Variants in CHRM3 observed in about 807,000 individuals in gnomAD.
CHRM3 encodes the protein cholinergic receptor muscarinic 3.
A neutral mutation model predicts 41.8 loss-of-function variants in CHRM3; 11 were observed. The observed-to-expected ratio is 0.26, with a 90% CI of 0.17 to 0.44. CHRM3 has a LOEUF of 0.44. Ranked by LOEUF, CHRM3 falls within the 20% of genes least tolerant of loss-of-function variation. The probability of loss-of-function intolerance (pLI) is 1.00; values close to 1 mark genes in which losing one functional copy is unlikely to be tolerated. For synonymous variants in CHRM3, 297 were observed against 301.4 expected (o/e 0.99, Z 0.15); for missense variants, 571 against 745.4 (o/e 0.77, Z 2.72).
rs1553347938 is a variant in CHRM3 at position 239,634,376 on chromosome 1, C to CAGAAAGAAAGAAAGAAA, written c.-250+2090_-250+2091insAGAAAGAAAGAAAGAAA. Among the ~76,000 whole-genome samples the CAGAAAGAAAGAAAGAAA allele has an allele frequency of 1.6e-3, 211 of 135,558 alleles. 2 individuals carry two copies. The highest frequency in any genetic ancestry group is 5.6e-3 in the African/African-American group (198 of 35,306). The allele number at this position is 135,558 out of a possible 152,430, so 88.9% of individuals were successfully genotyped here. A position where few individuals can be genotyped will look rare whatever the true frequency, so the allele number is the denominator to read the frequency against. On this transcript the variant is annotated intron_variant, in intron 4 of 6. Transcript: ENST00000676153. Reference sequence around the variant, plus strand: ...GATAGAGAGCAAAAGCAAGAACAAACGAAAGAAAGAAAGAAAGAAAGAAAG... The same window carrying CAGAAAGAAAGAAAGAAA: ...GATAGAGAGCAAAAGCAAGAACAAACAGAAAGAAAGAAAGAAAGAAAGAAAGAAAGAAAGAAAGAAAG...
intron 1 of CHRM3, among the ~76,000 whole-genome samples, chr1:239,403,058 T>G (rs934241529): frequency 6.6e-6 from 1 of 152,218 alleles, no homozygotes; most frequent in Non-Finnish European, 1.5e-5. Context: ...CATGCTCCTT[T>G]AGTATGTTAT....
At chr1:239,393,429 T>C (rs751388973) in intron 1 of CHRM3, among the ~76,000 whole-genome samples, 13 of 152,220 alleles carry the variant, frequency 8.5e-5, no homozygotes, top group African/African-American at 1.2e-4. Context: ...ATAGACGTGA[T>C]GATCCTCCTG....
chr1:239,787,480 C>A (rs1668998793), intron 5 of CHRM3, among the ~76,000 whole-genome samples: 1 of 152,094 alleles, frequency 6.6e-6, no homozygotes, highest in Non-Finnish European at 1.5e-5. Context: ...GAAGCCGAAA[C>A]AAGAACTCCC....
chr1:239,780,839 G>A (rs1371469332), intron 5 of CHRM3, among the ~76,000 whole-genome samples: 3 of 144,846 alleles, frequency 2.1e-5, no homozygotes, highest in East Asian at 4.0e-4. Flanking sequence ...GTGTGTGTGT[G>A]TATAGATGTC....
At chr1:239,532,787 TA>T (rs1657765202) in intron 2 of CHRM3, among the ~76,000 whole-genome samples, 1 of 152,194 alleles carries the variant, frequency 6.6e-6, no homozygotes, top group Admixed American at 6.5e-5. Flanking sequence ...TGAAGTTTAA[TA>T]TAATCTCTCC....
intron 1 of CHRM3, among the ~76,000 whole-genome samples, chr1:239,474,430 T>C (rs1666331897): frequency 6.6e-6 from 1 of 152,080 alleles, no homozygotes; most frequent in Non-Finnish European, 1.5e-5. Flanking sequence ...ACATACATCA[T>C]GTATATCTAT....
intron 1 of CHRM3, among the ~76,000 whole-genome samples, chr1:239,463,450 C>T (rs1665504370): frequency 6.6e-6 from 1 of 152,104 alleles, no homozygotes; most frequent in African/African-American, 2.4e-5. Flanking sequence ...CTGTGCTGGA[C>T]TCAAAGCCCC....
At chr1:239,843,005 A>G (rs545204153) in intron 6 of CHRM3, among the ~76,000 whole-genome samples, 69 of 152,180 alleles carry the variant, frequency 4.5e-4, no homozygotes, top group African/African-American at 1.4e-3. Context: ...TCTCTCCTAT[A>G]AACTTCAGTG....
At chr1:239,503,267 C>T (rs1011059652) in intron 2 of CHRM3, among the ~76,000 whole-genome samples, 6 of 152,172 alleles carry the variant, frequency 3.9e-5, no homozygotes, top group East Asian at 1.9e-4. Flanking sequence ...ACATCAACAG[C>T]GACCAAGCAG....
chr1:239,410,947 G>T (rs1661015848), intron 1 of CHRM3, among the ~76,000 whole-genome samples: 1 of 152,140 alleles, frequency 6.6e-6, no homozygotes, highest in African/African-American at 2.4e-5. Flanking sequence ...CCTTAAATGT[G>T]CTTTGTTCCA....
At chr1:239,544,112 A>G (rs946331933) in intron 2 of CHRM3, among the ~76,000 whole-genome samples, 8 of 152,208 alleles carry the variant, frequency 5.3e-5, no homozygotes, top group Non-Finnish European at 1.0e-4. Flanking sequence ...CCTGCTCTGG[A>G]AAGATTGCTG....
intron 1 of CHRM3, among the ~76,000 whole-genome samples, chr1:239,416,422 C>T (rs1355567825): frequency 1.3e-5 from 2 of 151,814 alleles, no homozygotes; most frequent in Non-Finnish European, 2.9e-5. Flanking sequence ...TCCGTTTTCT[C>T]TTGAGTATTA....
intron 6 of CHRM3, among the ~76,000 whole-genome samples, chr1:239,848,680 A>G (rs1207371679): frequency 1.3e-5 from 2 of 152,164 alleles, no homozygotes; most frequent in Non-Finnish European, 2.9e-5. Context: ...GTATTTCTCT[A>G]ATATGAAAAG....
intron 1 of CHRM3, among the ~76,000 whole-genome samples, chr1:239,477,308 G>A (rs1050657690): frequency 6.6e-6 from 1 of 152,184 alleles, no homozygotes; most frequent in Non-Finnish European, 1.5e-5. Flanking sequence ...AGTATAAAGA[G>A]AGCATGTAGA....
chr1:239,847,251 G>A (rs997837199), intron 6 of CHRM3, among the ~76,000 whole-genome samples: 1 of 152,172 alleles, frequency 6.6e-6, no homozygotes, highest in Non-Finnish European at 1.5e-5. Flanking sequence ...AGAAAGATAG[G>A]AAATGCTACC....
chr1:239,611,567 T>C (rs1211142532), intron 3 of CHRM3, among the ~76,000 whole-genome samples: 1 of 151,930 alleles, frequency 6.6e-6, no homozygotes, highest in African/African-American at 2.4e-5. Flanking sequence ...ATTACAGGCA[T>C]GCGTCACCAT....
chr1:239,761,392 T>C (rs182921179), intron 5 of CHRM3, among the ~76,000 whole-genome samples: 1 of 152,334 alleles, frequency 6.6e-6, no homozygotes, highest in Admixed American at 6.5e-5. Context: ...ATTCTTTTTC[T>C]CTTTATGTGT....
At chr1:239,593,476 C>A (rs200863428) in intron 3 of CHRM3, among the ~76,000 whole-genome samples, 2 of 45,814 alleles carry the variant, frequency 4.4e-5, no homozygotes, top group African/African-American at 7.2e-5. Context: ...TAGACCATTT[C>A]TTTTTAAAAA....
At chr1:239,876,261 C>T (rs1265587479) in intron 6 of CHRM3, among the ~76,000 whole-genome samples, 2 of 152,210 alleles carry the variant, frequency 1.3e-5, no homozygotes, top group Non-Finnish European at 2.9e-5. Flanking sequence ...AGTCCACTCC[C>T]TTCATATTGA....
Sources: allele counts gnomAD v4.1 joint callset (sites outside exome capture counted in the v4.1 genomes callset), GRCh38; gene constraint gnomAD v4.1.1; transcripts MANE v1.5; gene names NCBI Gene and HGNC (gene_info 2026-07-23, HGNC 2026-07-21).